The following CISD2 variants were observed in gnomAD, a reference collection of about 807,000 sequenced individuals.
CISD2 encodes CDGSH iron-sulfur domain-containing protein 2.
In CISD2, 1 loss-of-function variant was observed where a neutral mutation model predicts 12.9. The observed-to-expected ratio is 0.08, with a 90% CI of 0.03 to 0.37. The LOEUF is 0.37. Ranked by LOEUF, CISD2 falls within the 10% of genes least tolerant of loss-of-function variation. CISD2 has a pLI of 0.99. For synonymous variants in CISD2, 50 were observed against 60.6 expected (o/e 0.83, Z 0.81); for missense variants, 97 against 163.1 (o/e 0.59, Z 2.21).
rs1218785224 is a variant in CISD2 at position 102,889,926 on chromosome 4, C to T, written c.*2496C>T. On this transcript the variant is annotated 3_prime_UTR_variant, in exon 3 of 3. Transcript: ENST00000273986. ...TAAAAGAAAAAAAAAAGTAACTTGG[C>T]TCTTGAAATACATGTCTTCGGTTTC... The T allele has an allele frequency of 6.6e-6, 1 of 152,082 alleles. No individual in the cohort carries two copies. The highest frequency in any genetic ancestry group is 1.5e-5 in the Non-Finnish European group (1 of 68,026). The allele number at this position is 152,082 out of a possible 1,614,324, so 9.4% of individuals were successfully genotyped here.
At chr4:102,880,339 AAT>A (rs1457177215) in intron 1 of CISD2, among the ~76,000 whole-genome samples, 1 of 152,214 alleles carries the variant, frequency 6.6e-6, no homozygotes, top group Non-Finnish European at 1.5e-5. Flanking sequence ...TTGGGGAAAT[AAT>A]ATAATAATCT....
At chr4:102,885,151 CT>C (rs1733840065) in intron 1 of CISD2, 64 bp from the exon 2 acceptor site, 3 of 1,264,768 alleles carry the variant, frequency 2.4e-6, no homozygotes, top group Admixed American at 1.7e-5. Flanking sequence ...AAGGATGAAA[CT>C]AGACATGCTA....
chr4:102,870,664 G>T (rs1218637160), intron 1 of CISD2, among the ~76,000 whole-genome samples: 2 of 152,168 alleles, frequency 1.3e-5, no homozygotes, highest in Non-Finnish European at 2.9e-5. Flanking sequence ...TTCACATCAA[G>T]TGTTTATAAA....
In CISD2 at chr4:102,882,342, G is replaced by C. The variant is rs139389382; in HGVS notation, c.104-2874G>C. ...ACAAACATTTAATGACTGCTATTTC[G>C]AGTTACATACTGGATGCTGGGGCCA... On this transcript the variant is annotated intron_variant, in intron 1 of 2. Coordinates refer to ENST00000273986, the MANE Select transcript of CISD2 (RefSeq NM_001008388.5). 4.6e-5 allele frequency among the ~76,000 whole-genome samples: 7 copies of C among 152,050 alleles called. No individual in the cohort carries two copies. In the South Asian group the frequency reaches 1.5e-3, roughly 32 times the overall value.
intron 1 of CISD2, among the ~76,000 whole-genome samples, chr4:102,873,728 C>CAA (rs35907341): frequency 5.4e-4 from 42 of 78,340 alleles, no homozygotes; most frequent in African/African-American, 8.1e-4. Context: ...GAAACCGTCT[C>CAA]AAAAAAAAAA....
chr4:102,869,243 G>A (rs765234903), intron 1 of CISD2, 56 bp downstream of exon 1: 137 of 1,555,548 alleles, frequency 8.8e-5, no homozygotes, highest in Non-Finnish European at 1.1e-4. Context: ...AGCGGGGGAA[G>A]GAGGCGTAAA....
chr4:102,880,421 AC>A (rs934074357), intron 1 of CISD2, among the ~76,000 whole-genome samples: 45 of 152,370 alleles, frequency 3.0e-4, no homozygotes, highest in African/African-American at 1.0e-3. Context: ...GTATTTACAT[AC>A]CAAAAAAGAG....
At chr4:102,878,408 C>T (rs1733638948) in intron 1 of CISD2, among the ~76,000 whole-genome samples, 1 of 152,204 alleles carries the variant, frequency 6.6e-6, no homozygotes, top group Non-Finnish European at 1.5e-5. Context: ...GGATTACAGG[C>T]ATGGGCCACC....
In CISD2 at chr4:102,888,671, G is replaced by A. The variant is rs898465423; in HGVS notation, c.*1241G>A. On this transcript the variant is annotated 3_prime_UTR_variant, in exon 3 of 3. Transcript: ENST00000273986. ...TCCTTAGCCAGGTGCCATGGCACAGGCCTGTAGTCCCAACTGCTGGGAAGA... is the reference window on the plus strand; with the variant it reads ...TCCTTAGCCAGGTGCCATGGCACAGACCTGTAGTCCCAACTGCTGGGAAGA... 2 of 152,218 alleles carry A rather than the reference G, an allele frequency of 1.3e-5. No homozygotes were observed. The highest frequency in any genetic ancestry group is 6.5e-5 in the Admixed American group (1 of 15,272). 9.4% of individuals were successfully genotyped at this position (152,218 alleles called of 1,614,324 possible).
chr4:102,869,617 TG>T lies in CISD2; in HGVS notation c.103+433del, dbSNP rs1733373010. ...CTGGGTTGTACCCTCAGCATGTGGG[TG>T]GGAGTGTGTGGGAGAGAAATATAGA... On this transcript the variant is annotated intron_variant, in intron 1 of 2. Transcript: ENST00000273986. 9.2e-6 allele frequency: 6 copies of T among 652,958 alleles called. No homozygotes were observed. In the Admixed American group the frequency reaches 1.5e-4, roughly 16 times the overall value. 40.4% of individuals were successfully genotyped at this position (652,958 alleles called of 1,614,324 possible).
chr4:102,887,178 T>C (rs571854838), intron 2 of CISD2, among the ~76,000 whole-genome samples, 163 bp from the exon 3 acceptor site: 2 of 152,346 alleles, frequency 1.3e-5, no homozygotes, highest in East Asian at 3.9e-4. Context: ...TTGTTAGATT[T>C]TGAATATGGT....
chr4:102,886,333 C>CA (rs1025324416), intron 2 of CISD2, among the ~76,000 whole-genome samples: 47 of 151,258 alleles, frequency 3.1e-4, no homozygotes, highest in Non-Finnish European at 2.1e-4. Context: ...CTAAAAAATA[C>CA]AAAAAAAATT....
At chr4:102,879,454 A>G (rs1448083508) in intron 1 of CISD2, among the ~76,000 whole-genome samples, 1 of 152,118 alleles carries the variant, frequency 6.6e-6, no homozygotes, top group Non-Finnish European at 1.5e-5. Context: ...ATAGGTCCAT[A>G]TAGTTACAAA....
At chr4:102,887,310 A>G in intron 2 of CISD2, 31 bp from the exon 3 acceptor site, 1 of 1,139,724 alleles carries the variant, frequency 8.8e-7, no homozygotes, top group Non-Finnish European at 1.3e-6. Flanking sequence ...ATATTTTAAA[A>G]ATAACACTTG....
chr4:102,878,976 G>C (rs1733652139), intron 1 of CISD2, among the ~76,000 whole-genome samples: 1 of 152,156 alleles, frequency 6.6e-6, no homozygotes, highest in East Asian at 1.9e-4. Context: ...CGCATGACTA[G>C]GGAGGCCTCA....
chr4:102,870,564 T>C (rs1366628680), intron 1 of CISD2, among the ~76,000 whole-genome samples: 1 of 152,124 alleles, frequency 6.6e-6, no homozygotes, highest in Admixed American at 6.5e-5. Flanking sequence ...AAACATGCAA[T>C]TGAATAGAAA....
intron 1 of CISD2, among the ~76,000 whole-genome samples, chr4:102,882,559 T>C: frequency 6.6e-6 from 1 of 152,212 alleles, no homozygotes; most frequent in Non-Finnish European, 1.5e-5. Context: ...CAATGATCTA[T>C]AGTAGCATTG....
intron 1 of CISD2, among the ~76,000 whole-genome samples, chr4:102,879,864 G>A (rs993059672): frequency 5.9e-5 from 9 of 152,156 alleles, no homozygotes; most frequent in African/African-American, 2.2e-4. Flanking sequence ...TGAGCCAGAC[G>A]TTATATAGAC....
At chr4:102,869,911 C>T (rs531160850) in intron 1 of CISD2, among the ~76,000 whole-genome samples, 2 of 152,248 alleles carry the variant, frequency 1.3e-5, no homozygotes, top group South Asian at 4.1e-4. Context: ...CTCACTTAAC[C>T]CACACAACTC....
Sources: gnomAD v4.1 joint callset for allele counts (sites outside exome capture counted in the v4.1 genomes callset) on GRCh38, gnomAD v4.1.1 for gene constraint, MANE v1.5 for transcripts, NCBI Gene and HGNC (gene_info 2026-07-23, HGNC 2026-07-21) for gene names.